Variants in RAF1 observed in about 807,000 individuals in gnomAD.
The protein encoded by RAF1 is RAF proto-oncogene serine/threonine-protein kinase.
Under a neutral mutation model 81.1 loss-of-function variants are expected in RAF1, and 27 were observed. That is an observed-to-expected ratio of 0.33 (90% confidence interval 0.25 to 0.46). RAF1 has a LOEUF of 0.46. Ranked by LOEUF, RAF1 falls within the 20% of genes least tolerant of loss-of-function variation. The pLI is 1.00. For synonymous variants in RAF1, 298 were observed against 294.0 expected (o/e 1.01, Z -0.14); for missense variants, 598 against 826.0 (o/e 0.72, Z 3.38).
intron 1 of RAF1, among the ~76,000 whole-genome samples, chr3:12,662,338 T>TAAAAAAA (rs61275660): frequency 9.9e-6 from 1 of 100,904 alleles, no homozygotes; most frequent in Non-Finnish European, 2.0e-5. Context: ...CCTGTTCCTT[T>TAAAAAAA]AAAAAAAAAA....
At chr3:12,605,343 A>G (rs1011685017) in intron 6 of RAF1, among the ~76,000 whole-genome samples, 6 of 150,682 alleles carry the variant, frequency 4.0e-5, no homozygotes, top group African/African-American at 1.5e-4. Flanking sequence ...GCTGGAGTGC[A>G]GTGGTGCCAT....
At chr3:12,599,572 G>T in intron 11 of RAF1, 119 bp downstream of exon 10, 1 of 758,594 alleles carries the variant, frequency 1.3e-6, no homozygotes, top group East Asian at 2.5e-5. Flanking sequence ...AAGTATGTAA[G>T]GGAGAGTACT....
chr3:12,645,547 C>T (rs2060319889), intron 1 of RAF1, among the ~76,000 whole-genome samples: 1 of 151,998 alleles, frequency 6.6e-6, no homozygotes, highest in South Asian at 2.1e-4. Context: ...GTTACTATTA[C>T]CTTTAAAATT....
chr3:12,638,376 C>T (rs963546598), intron 1 of RAF1, among the ~76,000 whole-genome samples: 2 of 151,932 alleles, frequency 1.3e-5, no homozygotes, highest in Non-Finnish European at 2.9e-5. Flanking sequence ...TGTGGAAAAA[C>T]TGTAGAATCA....
At position 12,650,145 on chromosome 3, in the gene RAF1, CAAAAAAAAA is replaced by C. The variant is rs36098034; in HGVS notation, c.-27+13659_-27+13667del. 1.9e-3 allele frequency among the ~76,000 whole-genome samples: 143 copies of C among 76,972 alleles called. 1 individual carries two copies. Among genetic ancestry groups the C allele is most frequent in the African/African-American group, 6.4e-3 (131 of 20,592 alleles). The allele number at this position is 76,972 out of a possible 152,430, so 50.5% of individuals were successfully genotyped here. A position where few individuals can be genotyped will look rare whatever the true frequency, so the allele number is the denominator to read the frequency against. ...CGGGAGACAGTGCGAGACTCCATCTCAAAAAAAAAAAAAAAAAAAAAAAAAAAAATTTAA... is the reference window on the plus strand; with the variant it reads ...CGGGAGACAGTGCGAGACTCCATCTCAAAAAAAAAAAAAAAAAAAATTTAA... On this transcript the variant is annotated intron_variant, in intron 1 of 17. Coordinates refer to ENST00000442415, the MANE Select transcript of RAF1 (RefSeq NM_001354689.3).
At chr3:12,659,367 G>C (rs192686691) in intron 1 of RAF1, among the ~76,000 whole-genome samples, 1,737 of 127,974 alleles carry the variant, frequency 0.014, 17 homozygotes, top group Admixed American at 0.022. Flanking sequence ...GACGGAGGTT[G>C]TAGTGAGCCA....
intron 1 of RAF1, among the ~76,000 whole-genome samples, chr3:12,649,296 C>T (rs1450682823): frequency 6.6e-6 from 1 of 152,064 alleles, no homozygotes; most frequent in African/African-American, 2.4e-5. Flanking sequence ...AAAAGAAAGA[C>T]ATGTTTAAAA....
chr3:12,593,246 A>AT (rs1206764308), intron 11 of RAF1, among the ~76,000 whole-genome samples: 6 of 150,384 alleles, frequency 4.0e-5, no homozygotes, highest in Admixed American at 2.6e-4. Context: ...TGCCCAACTA[A>AT]TTTTTGTATT....
At chr3:12,602,196 TC>T (rs1447250580) in intron 8 of RAF1, among the ~76,000 whole-genome samples, 1 of 152,176 alleles carries the variant, frequency 6.6e-6, no homozygotes, top group African/African-American at 2.4e-5. Flanking sequence ...TTCCTATTGT[TC>T]CTGGAGTCTA....
At chr3:12,608,520 G>C in intron 5 of RAF1, 1 of 540,462 alleles carries the variant, frequency 1.9e-6, no homozygotes, top group Non-Finnish European at 3.3e-6. Flanking sequence ...CTGAATCACA[G>C]TCACAGTATG....
intron 1 of RAF1, among the ~76,000 whole-genome samples, chr3:12,642,720 A>AC (rs2060231024): frequency 1.3e-4 from 19 of 145,508 alleles, no homozygotes; most frequent in South Asian, 6.7e-4. Flanking sequence ...ACACACACAC[A>AC]AAATAGCTGC....
intron 8 of RAF1, among the ~76,000 whole-genome samples, chr3:12,603,119 A>G (rs187685831): frequency 4.6e-5 from 7 of 152,200 alleles, no homozygotes; most frequent in Admixed American, 3.9e-4. Context: ...TTGGAGTGCA[A>G]TGGCTATTCA....
At chr3:12,595,768 C>G (rs1026857154) in intron 11 of RAF1, among the ~76,000 whole-genome samples, 1 of 152,146 alleles carries the variant, frequency 6.6e-6, no homozygotes, top group Non-Finnish European at 1.5e-5. Flanking sequence ...TGAACTGGGA[C>G]TGCCACTCCA....
intron 5 of RAF1, 176 bp downstream of exon 5, chr3:12,608,590 T>C (rs1471529728): frequency 2.8e-6 from 2 of 705,570 alleles, no homozygotes; most frequent in Middle Eastern, 4.0e-4. Context: ...GGAGTATGAA[T>C]GCCACCAAAC....
intron 8 of RAF1, among the ~76,000 whole-genome samples, chr3:12,602,859 G>A (rs768558851): frequency 4.6e-5 from 7 of 152,158 alleles, no homozygotes; most frequent in African/African-American, 9.7e-5. Context: ...TACATGATGA[G>A]AGAGAGCATA....
chr3:12,602,610 C>G (rs2125389909), intron 8 of RAF1, among the ~76,000 whole-genome samples: 1 of 152,196 alleles, frequency 6.6e-6, no homozygotes, highest in South Asian at 2.1e-4. Flanking sequence ...TCCCACCCAG[C>G]CAATTCTGAC....
rs545810817 is a variant in RAF1 at position 12,597,059 on chromosome 3, C to T, written c.1168+2632G>A. On this transcript the variant is annotated intron_variant, in intron 11 of 17. Transcript: ENST00000442415. ...GACTACAGGCGCCCACCCCCACGCC[C>T]GGCTAATTTGTTGTATTTTTAGTAG... Among the ~76,000 whole-genome samples the T allele has an allele frequency of 5.1e-4, 77 of 152,160 alleles. 1 individual carries two copies. The highest frequency in any genetic ancestry group is 1.5e-3 in the South Asian group (7 of 4,810).
At chr3:12,590,105 T>TA (rs2058461717) in intron 13 of RAF1, 1 of 139,842 alleles carries the variant, frequency 7.2e-6, no homozygotes, top group Non-Finnish European at 1.6e-5. Flanking sequence ...AAGTTTTTAA[T>TA]TAAAAAAAAA....
At chr3:12,633,085 C>T (rs919014503) in intron 1 of RAF1, among the ~76,000 whole-genome samples, 1 of 152,076 alleles carries the variant, frequency 6.6e-6, no homozygotes. Context: ...CATCCATGCA[C>T]CCAAAGATTC....
Sources: allele counts gnomAD v4.1 joint callset (sites outside exome capture counted in the v4.1 genomes callset), GRCh38; gene constraint gnomAD v4.1.1; transcripts MANE v1.5; gene names NCBI Gene and HGNC (gene_info 2026-07-23, HGNC 2026-07-21).